RXFP1: variants seen among roughly 807,000 people sequenced by gnomAD.
RXFP1 encodes relaxin family peptide receptor 1.
A neutral mutation model predicts 89.8 loss-of-function variants in RXFP1; 73 were observed. That is an observed-to-expected ratio of 0.81 (90% CI 0.67 to 0.99). The LOEUF is 0.99. Among genes scored for constraint, RXFP1 ranks in the 50% least tolerant of loss-of-function variants. RXFP1 has a pLI of 0.00. For missense variants in RXFP1, 793 were observed against 895.5 expected, an observed-to-expected ratio of 0.89 and a Z score of 1.46; for synonymous variants, 277 against 305.5, an observed-to-expected ratio of 0.91 and a Z score of 0.97.
At chr4:158,640,161 C>T (rs990847193) in intron 14 of RXFP1, among the ~76,000 whole-genome samples, 3 of 152,194 alleles carry the variant, frequency 2.0e-5, no homozygotes, top group Admixed American at 6.5e-5. Context: ...TAGTTTTCCA[C>T]AGTCTGGTAG....
intron 1 of RXFP1, chr4:158,544,006 G>A: frequency 1.0e-6 from 1 of 985,354 alleles, no homozygotes; most frequent in South Asian, 4.7e-5. Flanking sequence ...CCTACCTTGG[G>A]CATTTAAATA....
chr4:158,574,382 T>C (rs1755781944), intron 2 of RXFP1, among the ~76,000 whole-genome samples: 2 of 151,908 alleles, frequency 1.3e-5, no homozygotes, highest in South Asian at 4.2e-4. Context: ...GGCTTGAAAA[T>C]CCTCCTACTT....
chr4:158,637,355 C>T (rs1769394067), intron 12 of RXFP1, among the ~76,000 whole-genome samples: 1 of 152,120 alleles, frequency 6.6e-6, no homozygotes, highest in Non-Finnish European at 1.5e-5. Flanking sequence ...TTTATATTCC[C>T]ATCACCAGTA....
rs748830301 is a variant in RXFP1, at chr4:158,637,190, T to C, written c.972-818T>C. Among the ~76,000 whole-genome samples the C allele has an allele frequency of 2.2e-3, 328 of 152,338 alleles. 12 individuals are homozygous for C. Among genetic ancestry groups the C allele is most frequent in the Non-Finnish European group, 4.9e-4 (33 of 68,028 alleles). On this transcript the variant is annotated intron_variant, in intron 12 of 17. Coordinates refer to ENST00000307765, the MANE Select transcript of RXFP1 (RefSeq NM_021634.4). The stretch of plus-strand genomic sequence containing the variant: ...TCCATACCTTGGCTATTATGAATAA[T>C]GCTGCAATGAATATGGGAGTACAGA...
intron 8 of RXFP1, among the ~76,000 whole-genome samples, chr4:158,615,386 A>G (rs557042672): frequency 2.6e-5 from 4 of 152,054 alleles, no homozygotes; most frequent in Admixed American, 6.6e-5. Flanking sequence ...AAAATAGAAA[A>G]TTAGCTGGGT....
chr4:158,621,598 T>C (rs1169044018), intron 9 of RXFP1, among the ~76,000 whole-genome samples: 1 of 152,074 alleles, frequency 6.6e-6, no homozygotes, highest in Non-Finnish European at 1.5e-5. Context: ...AAGATAAATA[T>C]TAGACACAAA....
chr4:158,542,109 A>ATATATATATATATATATATATATTTTTTT, intron 1 of RXFP1, among the ~76,000 whole-genome samples: 1 of 35,254 alleles, frequency 2.8e-5, no homozygotes, highest in Non-Finnish European at 5.6e-5. Context: ...ATATATATAT[A>ATATATATATATATATATATATATTTTTTT]TTTTTTTTTT....
At chr4:158,634,921 T>G (rs1007615994) in intron 12 of RXFP1, among the ~76,000 whole-genome samples, 2 of 152,212 alleles carry the variant, frequency 1.3e-5, no homozygotes, top group Non-Finnish European at 2.9e-5. Context: ...CCACACTGAT[T>G]GCTGTAGCTT....
intron 1 of RXFP1, among the ~76,000 whole-genome samples, chr4:158,560,178 T>C (rs2149933636): frequency 6.6e-6 from 1 of 152,268 alleles, no homozygotes; most frequent in Middle Eastern, 3.4e-3. Flanking sequence ...TACATATCAG[T>C]CCCAACAATA....
rs774515418 is a variant in RXFP1 at position 158,646,824 on chromosome 4, T to C, written c.1379T>C (p.Val460Ala). 6.2e-7 allele frequency: 1 copy of C among 1,613,674 alleles called. No individual in the cohort carries two copies. ...TGCTTAATGGGAATATATTTATTCG[T>C]GATCGGAGGCTTTGACCTAAAGTTT... Reference protein sequence around the residue: ...ADCLMGIYLFVIGGFDLKFRG... With the variant: ...ADCLMGIYLFAIGGFDLKFRG... Residue 460 changes from valine (V) to alanine (A), a missense_variant, in exon 16 of 18, where the codon GTG (valine) becomes GCG (alanine). By Grantham distance (64) the Val-to-Ala change is moderately conservative (BLOSUM62 0). Coordinates refer to ENST00000307765, the MANE Select transcript of RXFP1 (RefSeq NM_021634.4).
Position 158,531,918 on chromosome 4 carries a change from A to T in RXFP1, c.49+9893A>T, listed in dbSNP as rs7670398. 0.019 allele frequency among the ~76,000 whole-genome samples: 192 copies of T among 10,128 alleles called. 1 individual carries two copies. The Middle Eastern group carries it at 0.29, about 15-fold the overall frequency. 6.6% of individuals were successfully genotyped at this position (10,128 alleles called of 152,430 possible). On this transcript the variant is annotated intron_variant, in intron 1 of 17. Coordinates refer to ENST00000307765, the MANE Select transcript of RXFP1 (RefSeq NM_021634.4). ...ATCTGGGTTTTCTGTTGGTTTGGGTATTTTGTTTGTTTGTTTGTTTGTTTG... is the reference window on the plus strand; with the variant it reads ...ATCTGGGTTTTCTGTTGGTTTGGGTTTTTTGTTTGTTTGTTTGTTTGTTTG...
In RXFP1 at chr4:158,646,918, G is replaced by A. The variant is rs759944313; in HGVS notation, c.1473G>A (p.Leu491=). 19 of 1,613,910 alleles carry A rather than the reference G, an allele frequency of 1.2e-5. No homozygotes were observed. The highest frequency in any genetic ancestry group is 1.5e-5 in the Non-Finnish European group (18 of 1,179,998). The change falls in exon 16 of 18, where the codon TTG becomes TTA. Residue 491 remains leucine (L), a synonymous_variant. Coordinates refer to ENST00000307765, the MANE Select transcript of RXFP1 (RefSeq NM_021634.4). ...CTCATTGTCAGCTTGTAGGATCTTT[G>A]GCCATTCTGTCCACAGAAGTATCAG... ...ESTHCQLVGS[L]AILSTEVSVL...
chr4:158,651,118 T>C (rs755627109), intron 17 of RXFP1, among the ~76,000 whole-genome samples: 2 of 151,106 alleles, frequency 1.3e-5, no homozygotes, highest in Non-Finnish European at 3.0e-5. Flanking sequence ...CATGAGACCC[T>C]GTCTCAAAAA....
At chr4:158,627,466 C>T (rs1351426595) in intron 10 of RXFP1, among the ~76,000 whole-genome samples, 1 of 149,890 alleles carries the variant, frequency 6.7e-6, no homozygotes, top group African/African-American at 2.5e-5. Flanking sequence ...TATCAGACTG[C>T]AATGCAGATA....
intron 1 of RXFP1, among the ~76,000 whole-genome samples, chr4:158,527,564 A>AAAATATATATATATAT (rs5741905): frequency 0.025 from 2,444 of 98,202 alleles, 55 homozygotes; most frequent in Middle Eastern, 0.051. Flanking sequence ...AAAAAAAAAA[A>AAAATATATATATATAT]ATATATATAT....
At chr4:158,582,720 A>G (rs1487681613) in intron 2 of RXFP1, among the ~76,000 whole-genome samples, 2 of 152,176 alleles carry the variant, frequency 1.3e-5, no homozygotes, top group African/African-American at 4.8e-5. Flanking sequence ...TGCCATACAT[A>G]TGGCCTCTAC....
chr4:158,546,996 A>G lies in RXFP1; in HGVS notation c.49+24971A>G, dbSNP rs1482189643. On this transcript the variant is annotated intron_variant, in intron 1 of 17. Coordinates refer to ENST00000307765, the MANE Select transcript of RXFP1 (RefSeq NM_021634.4). ...GTTAGGGAGGATTCCCTCTTTTTCT[A>G]TTGATTGGAATAGTTTCAGAAGGAA... is the stretch of plus-strand genomic sequence containing the variant. Among the ~76,000 whole-genome samples the G allele has an allele frequency of 2.0e-5, 3 of 151,738 alleles. No individual in the cohort carries two copies. In the South Asian group the frequency reaches 6.2e-4, roughly 32 times the overall value.
At chr4:158,588,446 A>G (rs1193060051) in intron 2 of RXFP1, among the ~76,000 whole-genome samples, 2 of 152,208 alleles carry the variant, frequency 1.3e-5, no homozygotes, top group Non-Finnish European at 2.9e-5. Context: ...GTTGACATCC[A>G]TGCTGTTGGA....
intron 14 of RXFP1, among the ~76,000 whole-genome samples, chr4:158,644,426 T>G (rs1335882518): frequency 6.6e-6 from 1 of 152,158 alleles, no homozygotes; most frequent in South Asian, 2.1e-4. Context: ...TTTTTTTCTT[T>G]TCTTTTTTTT....
Sources: allele counts gnomAD v4.1 joint callset (sites outside exome capture counted in the v4.1 genomes callset), GRCh38; gene constraint gnomAD v4.1.1; transcripts MANE v1.5; gene names NCBI Gene and HGNC (gene_info 2026-07-23, HGNC 2026-07-21).